DCLK2: variants seen among roughly 807,000 people sequenced by gnomAD.
DCLK2 encodes serine/threonine-protein kinase DCLK2.
DCLK2 carries 31 observed loss-of-function variants against 78.4 expected under a neutral mutation model. The observed-to-expected ratio is 0.40, with a 90% CI of 0.30 to 0.53. The LOEUF (loss-of-function observed/expected upper bound fraction) is 0.53, where lower values mean the gene tolerates loss of function less well. Ranked by LOEUF, DCLK2 falls within the 20% of genes least tolerant of loss-of-function variation. The pLI is 0.61. For synonymous variants in DCLK2, 407 were observed against 374.9 expected (o/e 1.09, Z -0.99); for missense variants, 872 against 973.7 (o/e 0.90, Z 1.39).
chr4:150,103,096 A>G (rs1731000553), intron 2 of DCLK2, among the ~76,000 whole-genome samples: 1 of 130,180 alleles, frequency 7.7e-6, no homozygotes, highest in African/African-American at 2.8e-5. Context: ...CTGAGGGAAA[A>G]GTATAAGTTG....
intron 4 of DCLK2, among the ~76,000 whole-genome samples, chr4:150,199,933 G>A (rs1739335327): frequency 6.6e-6 from 1 of 152,164 alleles, no homozygotes. Context: ...GAGGCCAGGA[G>A]TTTGAGGCTG....
At chr4:150,212,220 G>A (rs1002496027) in intron 5 of DCLK2, among the ~76,000 whole-genome samples, 2 of 152,214 alleles carry the variant, frequency 1.3e-5, no homozygotes, top group African/African-American at 2.4e-5. Flanking sequence ...TGAACTGTCT[G>A]ATGTGCTGAT....
At chr4:150,244,347 C>T (rs754638600) in intron 12 of DCLK2, among the ~76,000 whole-genome samples, 9 of 152,102 alleles carry the variant, frequency 5.9e-5, no homozygotes, top group Non-Finnish European at 1.0e-4. Context: ...CTCTTAGGGT[C>T]ACTGACAAAA....
At chr4:150,106,383 A>G (rs1731254652) in intron 2 of DCLK2, among the ~76,000 whole-genome samples, 1 of 152,216 alleles carries the variant, frequency 6.6e-6, no homozygotes, top group Non-Finnish European at 1.5e-5. Flanking sequence ...CCAAAAGGCC[A>G]AGAAGCAATT....
At chr4:150,201,157 G>A (rs1739420159) in intron 4 of DCLK2, among the ~76,000 whole-genome samples, 1 of 152,104 alleles carries the variant, frequency 6.6e-6, no homozygotes, top group Non-Finnish European at 1.5e-5. Flanking sequence ...TTCTTAGTCT[G>A]CCAAGGTAGA....
At chr4:150,179,067 G>A (rs1377374596) in intron 2 of DCLK2, among the ~76,000 whole-genome samples, 1 of 152,016 alleles carries the variant, frequency 6.6e-6, no homozygotes, top group African/African-American at 2.4e-5. Flanking sequence ...TCACTCTGTT[G>A]CCCAGGCTGG....
chr4:150,238,917 T>C (rs1310113680), intron 10 of DCLK2, among the ~76,000 whole-genome samples: 1 of 152,200 alleles, frequency 6.6e-6, no homozygotes, highest in Non-Finnish European at 1.5e-5. Flanking sequence ...TATTTCATCA[T>C]TGACTGTCTA....
chr4:150,239,264 T>A (rs560301598), intron 10 of DCLK2, among the ~76,000 whole-genome samples: 15 of 152,114 alleles, frequency 9.9e-5, no homozygotes, highest in Admixed American at 6.5e-5. Context: ...GAGAAAAAAA[T>A]TAGCACTTTA....
At chr4:150,138,149 C>A (rs28571222) in intron 2 of DCLK2, among the ~76,000 whole-genome samples, 80,744 of 152,100 alleles carry the variant, frequency 0.53, 21,844 homozygotes, top group South Asian at 0.7. Flanking sequence ...AGGTTATAGA[C>A]TATCATAAAC....
At chr4:150,230,993 A>C (rs1742008654) in intron 8 of DCLK2, among the ~76,000 whole-genome samples, 3 of 152,236 alleles carry the variant, frequency 2.0e-5, no homozygotes, top group Admixed American at 2.0e-4. Context: ...CCCCCAAATC[A>C]GTGTGGTGCT....
intron 2 of DCLK2, among the ~76,000 whole-genome samples, chr4:150,119,780 TA>T (rs1732386241): frequency 6.6e-6 from 1 of 152,158 alleles, no homozygotes; most frequent in Non-Finnish European, 1.5e-5. Flanking sequence ...AAATTTTTTT[TA>T]GTGAGTAGCC....
chr4:150,078,785 C>A lies in DCLK2; in HGVS notation c.-243C>A. ...GTGGGGCTCCCCGGCAGGCGGGAGG[C>A]ACGGAGCAAGTCGCACTGGACAATG... On this transcript the variant is annotated 5_prime_UTR_variant, in exon 1 of 16. Coordinates refer to ENST00000296550, the MANE Select transcript of DCLK2 (RefSeq NM_001040260.4). 1 of 376,126 alleles carries A rather than the reference C, an allele frequency of 2.7e-6. No individual in the cohort carries two copies. The highest frequency in any genetic ancestry group is 4.6e-6 in the Non-Finnish European group (1 of 216,178). 23.3% of individuals were successfully genotyped at this position (376,126 alleles called of 1,614,324 possible).
chr4:150,112,147 A>T (rs1048554960), intron 2 of DCLK2, among the ~76,000 whole-genome samples: 1 of 151,982 alleles, frequency 6.6e-6, no homozygotes, highest in Non-Finnish European at 1.5e-5. Context: ...TCAGCAGTGT[A>T]TTGTAGTTCT....
At chr4:150,124,448 A>G (rs182233253) in intron 2 of DCLK2, among the ~76,000 whole-genome samples, 2 of 152,356 alleles carry the variant, frequency 1.3e-5, no homozygotes, top group African/African-American at 4.8e-5. Context: ...CTAAGTCATT[A>G]AAATGCCATT....
At chr4:150,202,676 T>G (rs1739543574) in intron 4 of DCLK2, among the ~76,000 whole-genome samples, 1 of 152,288 alleles carries the variant, frequency 6.6e-6, no homozygotes, top group Admixed American at 6.5e-5. Flanking sequence ...TCATCTTTTC[T>G]TTAAAAAAGA....
At chr4:150,181,073 A>G (rs1195544102) in intron 2 of DCLK2, among the ~76,000 whole-genome samples, 1 of 152,254 alleles carries the variant, frequency 6.6e-6, no homozygotes, top group Non-Finnish European at 1.5e-5. Context: ...ATATTTCTAC[A>G]TGGCTGTCCA....
intron 1 of DCLK2, among the ~76,000 whole-genome samples, chr4:150,101,303 G>A (rs1730874469): frequency 6.6e-6 from 1 of 152,044 alleles, no homozygotes; most frequent in African/African-American, 2.4e-5. Context: ...TGCCTTATCT[G>A]TCACTGAATT....
At chr4:150,149,630 G>T (rs1327736973) in intron 2 of DCLK2, among the ~76,000 whole-genome samples, 1 of 152,214 alleles carries the variant, frequency 6.6e-6, no homozygotes, top group Non-Finnish European at 1.5e-5. Context: ...TTAACATTTT[G>T]TGAAGACTAA....
chr4:150,094,724 C>A (rs1730338413), intron 1 of DCLK2, among the ~76,000 whole-genome samples: 1 of 152,222 alleles, frequency 6.6e-6, no homozygotes, highest in Non-Finnish European at 1.5e-5. Context: ...TACGCATTTT[C>A]TTCATTACTT....
Sources: gnomAD v4.1 joint callset for allele counts (sites outside exome capture counted in the v4.1 genomes callset) on GRCh38, gnomAD v4.1.1 for gene constraint, MANE v1.5 for transcripts, NCBI Gene and HGNC (gene_info 2026-07-23, HGNC 2026-07-21) for gene names.